NCOA5: variants seen among roughly 807,000 people sequenced by gnomAD.
NCOA5 encodes nuclear receptor coactivator 5, also known as NCoA-5.
Under a neutral mutation model 59.0 loss-of-function variants are expected in NCOA5, and 12 were observed. The observed-to-expected ratio is 0.20, with a 90% confidence interval of 0.13 to 0.33. The LOEUF is 0.33. NCOA5 is among the 10% of genes least tolerant of loss of function. The probability of loss-of-function intolerance (pLI) is 1.00; values close to 1 mark genes in which losing one functional copy is unlikely to be tolerated. For synonymous variants in NCOA5, 270 were observed against 275.5 expected (o/e 0.98, Z 0.20); for missense variants, 655 against 766.6 (o/e 0.85, Z 1.72).
chr20:46,071,107 C>T (rs980426833), intron 2 of NCOA5, among the ~76,000 whole-genome samples: 3 of 149,294 alleles, frequency 2.0e-5, no homozygotes, highest in Non-Finnish European at 4.4e-5. Flanking sequence ...TGAGGGTTTA[C>T]GTAGAAGCTG....
chr20:46,063,190 G>A, intron 7 of NCOA5, 170 bp downstream of exon 7: 1 of 669,884 alleles, frequency 1.5e-6, no homozygotes, highest in Non-Finnish European at 2.5e-6. Flanking sequence ...CAAATATAAA[G>A]TTATTATTAA....
chr20:46,077,531 G>A (rs955133876), intron 2 of NCOA5, among the ~76,000 whole-genome samples: 1 of 152,036 alleles, frequency 6.6e-6, no homozygotes, highest in Non-Finnish European at 1.5e-5. Flanking sequence ...TGGCTTATTT[G>A]TTGTTGTTGT....
chr20:46,070,504 G>C lies in NCOA5; in HGVS notation c.71C>G (p.Ser24Ter). 1 of 1,613,990 alleles carries C rather than the reference G, an allele frequency of 6.2e-7. No individual in the cohort carries two copies. The highest frequency in any genetic ancestry group is 8.5e-7 in the Non-Finnish European group (1 of 1,179,990). The change falls in exon 3 of 8, where the codon TCA (serine) becomes TGA (stop). Residue 24 changes from serine to a stop codon, truncating the protein, a stop_gained. Transcript: ENST00000290231. LOFTEE classifies it high-confidence loss of function. The stretch of plus-strand genomic sequence containing the variant: ...TCGAATTGGGGATCGATCACGCCTT[G>C]AATCTCGACTGTCTCCAAAGCCATA... ...DPYGFGDSRD[S>*]RRDRSPIRGS...
At position 46,079,468 on chromosome 20, in the gene NCOA5, C is replaced by A; in HGVS notation, c.-29-15G>T. 6.3e-7 allele frequency: 1 copy of A among 1,590,406 alleles called. No individual in the cohort carries two copies. The highest frequency in any genetic ancestry group is 1.1e-5 in the South Asian group (1 of 90,546). On this transcript the variant is annotated splice_polypyrimidine_tract_variant and intron_variant, in intron 1 of 7. Transcript: ENST00000290231. Reference sequence around the variant, plus strand: ...CTTATTAATATCTGAAAAGAATAATCAACCCATCTGTTCAATGCTACGGAA... The same window carrying A: ...CTTATTAATATCTGAAAAGAATAATAAACCCATCTGTTCAATGCTACGGAA...
rs778482282 is a variant in NCOA5, at chr20:46,063,497, T to C, written c.1013A>G (p.His338Arg). Reference protein sequence around the residue: ...GGPEEGVRGGHPPAIQSLINL... With the variant: ...GGPEEGVRGGRPPAIQSLINL... ...GATGAGGCTCTGGATGGCTGGAGGG[T>C]GGCCCCCACGCACTCCCTCCTCAGG... Residue 338 changes from histidine to arginine, a missense_variant, in exon 7 of 8, where the codon CAC becomes CGC. Coordinates refer to ENST00000290231, the MANE Select transcript of NCOA5 (RefSeq NM_020967.3). 6.2e-7 allele frequency: 1 copy of C among 1,614,160 alleles called. No homozygotes were observed. Among genetic ancestry groups the C allele is most frequent in the South Asian group, 1.1e-5 (1 of 91,084 alleles).
intron 2 of NCOA5, among the ~76,000 whole-genome samples, chr20:46,074,313 C>T (rs374991277): frequency 6.6e-6 from 1 of 152,182 alleles, no homozygotes; most frequent in African/African-American, 2.4e-5. Context: ...GTGGGAGACG[C>T]TGGACCTCAG....
intron 1 of NCOA5, among the ~76,000 whole-genome samples, chr20:46,086,597 C>T (rs2085047734): frequency 6.6e-6 from 1 of 152,166 alleles, no homozygotes. Flanking sequence ...TTAGTCATTG[C>T]TCTTTTAACT....
intron 2 of NCOA5, among the ~76,000 whole-genome samples, chr20:46,078,943 G>A (rs531928338): frequency 1.3e-5 from 2 of 152,216 alleles, no homozygotes; most frequent in South Asian, 2.1e-4. Context: ...CAGGCACAGC[G>A]GCAATCTCTC....
intron 1 of NCOA5, among the ~76,000 whole-genome samples, chr20:46,082,994 A>C (rs1194882073): frequency 6.6e-6 from 1 of 152,222 alleles, no homozygotes; most frequent in African/African-American, 2.4e-5. Flanking sequence ...TCACAGTACC[A>C]AAAACTACTT....
chr20:46,069,659 A>G (rs563380153), intron 3 of NCOA5, among the ~76,000 whole-genome samples: 1 of 151,934 alleles, frequency 6.6e-6, no homozygotes, highest in African/African-American at 2.4e-5. Context: ...TAAGCCTGGG[A>G]GGTCAAGGCT....
intron 1 of NCOA5, 145 bp from the exon 2 acceptor site, chr20:46,079,598 A>C: frequency 1.5e-6 from 1 of 662,974 alleles, no homozygotes; most frequent in Non-Finnish European, 2.6e-6. Flanking sequence ...ACACACTGTC[A>C]CTTGGGCAAT....
chr20:46,070,481 G>A lies in NCOA5; in HGVS notation c.94C>T (p.Arg32Ter). Residue 32 changes from arginine to a stop codon, truncating the protein, a stop_gained, in exon 3 of 8, where the codon CGA becomes TGA. Coordinates refer to ENST00000290231, the MANE Select transcript of NCOA5 (RefSeq NM_020967.3). LOFTEE classifies it high-confidence loss of function. ...RDSRRDRSPI[R>*]GSPRREPRDG... Reference sequence around the variant, plus strand: ...CTGGGCTCTCTCCTTGGACTTCCTCGAATTGGGGATCGATCACGCCTTGAA... The same window carrying A: ...CTGGGCTCTCTCCTTGGACTTCCTCAAATTGGGGATCGATCACGCCTTGAA... 2 of 1,613,952 alleles carry A rather than the reference G, an allele frequency of 1.2e-6. No homozygotes were observed. The highest frequency in any genetic ancestry group is 1.7e-6 in the Non-Finnish European group (2 of 1,179,982).
At chr20:46,089,629 G>C (rs543371677) in intron 1 of NCOA5, among the ~76,000 whole-genome samples, 188 bp downstream of exon 1, 1 of 151,996 alleles carries the variant, frequency 6.6e-6, no homozygotes, top group African/African-American at 2.4e-5. Flanking sequence ...GGCCTGACGG[G>C]AGCCGGAGGC....
chr20:46,078,785 C>G (rs182882106), intron 2 of NCOA5, among the ~76,000 whole-genome samples: 112 of 152,154 alleles, frequency 7.4e-4, no homozygotes, highest in Non-Finnish European at 2.4e-4. Flanking sequence ...TTTGTATACA[C>G]CGGAAGGAAG....
At chr20:46,064,629 A>C (rs924801603) in intron 6 of NCOA5, among the ~76,000 whole-genome samples, 1 of 152,244 alleles carries the variant, frequency 6.6e-6, no homozygotes, top group African/African-American at 2.4e-5. Context: ...TGCTGGAGCC[A>C]GATCTCAGTG....
Position 46,063,507 on chromosome 20 carries a change from G to A in NCOA5, c.1003C>T (p.Arg335Cys), listed in dbSNP as rs774397965. 30 of 1,614,148 alleles carry A rather than the reference G, an allele frequency of 1.9e-5. No individual in the cohort carries two copies. In the South Asian group the frequency reaches 2.2e-4, roughly 12 times the overall value. Residue 335 changes from arginine to cysteine, a missense_variant, in exon 7 of 8, where the codon CGT becomes TGT. Around this residue, in one of 3 missense-constraint regions of NCOA5, gnomAD observed 325 missense variants for 353.2 expected, o/e 0.92. Coordinates refer to ENST00000290231, the MANE Select transcript of NCOA5 (RefSeq NM_020967.3). ...RERGGPEEGV[R>C]GGHPPAIQSL... ...TGGATGGCTGGAGGGTGGCCCCCACGCACTCCCTCCTCAGGGCCTCCTCTC... is the reference window on the plus strand; with the variant it reads ...TGGATGGCTGGAGGGTGGCCCCCACACACTCCCTCCTCAGGGCCTCCTCTC...
At chr20:46,077,600 C>T (rs2084950878) in intron 2 of NCOA5, among the ~76,000 whole-genome samples, 2 of 152,138 alleles carry the variant, frequency 1.3e-5, no homozygotes, top group Non-Finnish European at 2.9e-5. Context: ...ATGGAGACAA[C>T]AGAGAGGGGT....
chr20:46,063,683 G>A lies in NCOA5; in HGVS notation c.830-3C>T. On this transcript the variant is annotated splice_region_variant and splice_polypyrimidine_tract_variant and intron_variant, in intron 6 of 7. Coordinates refer to ENST00000290231, the MANE Select transcript of NCOA5 (RefSeq NM_020967.3). ...TGCTTGGGGCATGTTGCGATGCTCTGTAGGAGGAAATGACATGAGTTATTT... is the reference window on the plus strand; with the variant it reads ...TGCTTGGGGCATGTTGCGATGCTCTATAGGAGGAAATGACATGAGTTATTT... 3 of 1,611,220 alleles carry A rather than the reference G, an allele frequency of 1.9e-6. No homozygotes were observed. The highest frequency in any genetic ancestry group is 2.5e-6 in the Non-Finnish European group (3 of 1,178,270).
At chr20:46,073,391 AG>A (rs1169538379) in intron 2 of NCOA5, among the ~76,000 whole-genome samples, 1 of 152,268 alleles carries the variant, frequency 6.6e-6, no homozygotes, top group Non-Finnish European at 1.5e-5. Flanking sequence ...AGAATAGCTA[AG>A]CATTATTTTT....
Sources: gnomAD v4.1 joint callset for allele counts (sites outside exome capture counted in the v4.1 genomes callset) on GRCh38, gnomAD v4.1.1 for gene constraint, gnomAD v4.1.1 regional missense constraint, MANE v1.5 for transcripts, NCBI Gene and HGNC (gene_info 2026-07-23, HGNC 2026-07-21) for gene names.